NTRK1: variants seen among roughly 807,000 people sequenced by gnomAD.
NTRK1 encodes the protein neurotrophic receptor tyrosine kinase 1.
In NTRK1, 62 loss-of-function variants were observed where a neutral mutation model predicts 86.8. The observed-to-expected ratio is 0.71, with a 90% confidence interval of 0.58 to 0.88. NTRK1 has a LOEUF of 0.88. Among genes scored for constraint, NTRK1 ranks in the 40% least tolerant of loss-of-function variants. The pLI is 0.00. For missense variants in NTRK1, 967 were observed against 1,078.4 expected, an observed-to-expected ratio of 0.90 and a Z score of 1.45; for synonymous variants, 469 against 456.6, an observed-to-expected ratio of 1.03 and a Z score of -0.35.
intron 5 of NTRK1, 50 bp downstream of exon 5, chr1:156,868,299 A>G: frequency 6.3e-7 from 1 of 1,596,622 alleles, no homozygotes; most frequent in Admixed American, 1.7e-5. Flanking sequence ...GAAGAGACCT[A>G]CCTGCCTGAG....
intron 2 of NTRK1, chr1:156,844,244 G>A: frequency 5.0e-6 from 8 of 1,613,960 alleles, no homozygotes; most frequent in Non-Finnish European, 6.8e-6. Context: ...AGGGGTGGCA[G>A]TGAGGAGGAC....
intron 1 of NTRK1, among the ~76,000 whole-genome samples, chr1:156,863,595 C>T (rs917306278): frequency 6.6e-6 from 1 of 151,862 alleles, no homozygotes; most frequent in Admixed American, 6.6e-5. Flanking sequence ...GGGGAGGTTT[C>T]GGTGGAGTAG....
At chr1:156,877,695 A>G (rs1648005003) in intron 14 of NTRK1, among the ~76,000 whole-genome samples, 1 of 152,216 alleles carries the variant, frequency 6.6e-6, no homozygotes, top group African/African-American at 2.4e-5. Flanking sequence ...AGTAAGAGGG[A>G]CAGTGTGGGG....
rs1647706150 is a variant in NTRK1, at chr1:156,873,711, C to T, written c.929C>T (p.Ala310Val). ...CIPFSVDGQP[A>V]PSLRWLFNGS... The stretch of plus-strand genomic sequence containing the variant: ...CCCTTCTCTGTGGATGGGCAGCCGG[C>T]ACCGTCTCTGCGCTGGCTCTTCAAT... The change falls in exon 8 of 17, where the codon GCA becomes GTA. Residue 310 changes from alanine to valine, a missense_variant. Ala to Val is a moderately conservative substitution (Grantham distance 64). Transcript: ENST00000524377. 1 of 1,612,246 alleles carries T rather than the reference C, an allele frequency of 6.2e-7. No individual in the cohort carries two copies. Among genetic ancestry groups the T allele is most frequent in the South Asian group, 1.1e-5 (1 of 90,782 alleles).
intron 1 of NTRK1, among the ~76,000 whole-genome samples, chr1:156,863,967 A>G (rs974325917): frequency 3.9e-5 from 6 of 152,040 alleles, no homozygotes; most frequent in Admixed American, 3.9e-4. Context: ...TCCATGGGTG[A>G]GCGTGTTCCT....
Position 156,860,911 on chromosome 1 carries a change from C to G in NTRK1, c.-24C>G. ...GGGAGCGCACAGACGGCTGCCCCGCCTGAGCGAGGCGGGCGCCGCCGCGAT... is the reference window on the plus strand; with the variant it reads ...GGGAGCGCACAGACGGCTGCCCCGCGTGAGCGAGGCGGGCGCCGCCGCGAT... On this transcript the variant is annotated 5_prime_UTR_variant, in exon 1 of 17. Transcript: ENST00000524377. 7.0e-7 allele frequency: 1 copy of G among 1,434,580 alleles called. No individual in the cohort carries two copies. The highest frequency in any genetic ancestry group is 9.0e-7 in the Non-Finnish European group (1 of 1,105,798). The allele number at this position is 1,434,580 out of a possible 1,614,324, so 88.9% of individuals were successfully genotyped here.
At chr1:156,875,059 T>C (rs778546676) in intron 11 of NTRK1, 51 bp downstream of exon 11, 1 of 1,332,494 alleles carries the variant, frequency 7.5e-7, no homozygotes. Flanking sequence ...CCTGGCTTTG[T>C]TTCCTACTGG....
chr1:156,872,539 T>C (rs1392569086), intron 7 of NTRK1, among the ~76,000 whole-genome samples: 3 of 152,054 alleles, frequency 2.0e-5, no homozygotes, highest in Admixed American at 1.3e-4. Context: ...AGTTGCTATA[T>C]GTAGCTCATG....
chr1:156,879,558 C>T (rs1648130880), intron 15 of NTRK1, among the ~76,000 whole-genome samples, 196 bp downstream of exon 15: 1 of 152,134 alleles, frequency 6.6e-6, no homozygotes, highest in African/African-American at 2.4e-5. Flanking sequence ...GGAAACAGCA[C>T]CTTCGGTTTT....
intron 2 of NTRK1, chr1:156,849,200 C>T (rs774138879): frequency 1.9e-6 from 3 of 1,608,130 alleles, no homozygotes; most frequent in Non-Finnish European, 2.5e-6. Context: ...GTGTGCGTGT[C>T]TAGTGTGTGG....
chr1:156,858,169 C>G (rs1655476996), upstream of NTRK1, among the ~76,000 whole-genome samples: 2 of 152,188 alleles, frequency 1.3e-5, no homozygotes, highest in African/African-American at 4.8e-5. Flanking sequence ...GTGCCTGGTT[C>G]TCAGCTACCT....
intron 2 of NTRK1, chr1:156,852,115 G>A: frequency 6.2e-7 from 1 of 1,613,648 alleles, no homozygotes; most frequent in Non-Finnish European, 8.5e-7. Context: ...CTTCTGGCTG[G>A]CTGCAGCCCC....
At chr1:156,874,172 TGAG>T (rs1412697803) in intron 8 of NTRK1, 6 of 911,650 alleles carry the variant, frequency 6.6e-6, no homozygotes, top group Non-Finnish European at 1.0e-5. Flanking sequence ...GTCGGCTGGC[TGAG>T]GAGACAGCCA....
intron 1 of NTRK1, among the ~76,000 whole-genome samples, chr1:156,830,547 ATTCTTTTTTT>A (rs1654441243): frequency 9.0e-6 from 1 of 110,732 alleles, no homozygotes; most frequent in Non-Finnish European, 1.8e-5. Context: ...AGGTTGTGGG[ATTCTTTTTTT>A]TTTTTTTTTT....
chr1:156,843,319 G>C, intron 2 of NTRK1: 4 of 1,559,076 alleles, frequency 2.6e-6, no homozygotes, highest in Non-Finnish European at 3.5e-6. Context: ...CTTCTGAAGG[G>C]CTCTTGTCCC....
chr1:156,861,278 C>G, intron 1 of NTRK1, 132 bp downstream of exon 1: 1 of 1,012,276 alleles, frequency 9.9e-7, no homozygotes, highest in Non-Finnish European at 1.4e-6. Context: ...ACGCAGCCTT[C>G]GGCGCTGCCC....
At chr1:156,879,844 C>T (rs952084040) in intron 15 of NTRK1, among the ~76,000 whole-genome samples, 155 bp from the exon 16 acceptor site, 7 of 152,058 alleles carry the variant, frequency 4.6e-5, no homozygotes, top group African/African-American at 1.4e-4. Context: ...CTCCTGACCT[C>T]GTGATTGCCC....
At chr1:156,867,052 A>T (rs1488380847) in intron 4 of NTRK1, 74 bp downstream of exon 4, 1 of 1,450,770 alleles carries the variant, frequency 6.9e-7, no homozygotes, top group Non-Finnish European at 9.7e-7. Flanking sequence ...CTGTTGGATG[A>T]CATTGGGTCA....
intron 2 of NTRK1, chr1:156,851,954 G>A (rs1655226914): frequency 6.2e-7 from 1 of 1,607,036 alleles, no homozygotes; most frequent in South Asian, 1.1e-5. Context: ...TATGCCGAAG[G>A]TGGAGGCACG....
Sources: gnomAD v4.1 joint callset for allele counts (sites outside exome capture counted in the v4.1 genomes callset) on GRCh38, gnomAD v4.1.1 for gene constraint, MANE v1.5 for transcripts, NCBI Gene and HGNC (gene_info 2026-07-23, HGNC 2026-07-21) for gene names.